TPO: variants seen among roughly 807,000 people sequenced by gnomAD.
TPO encodes thyroid peroxidase.
In TPO, 78 loss-of-function variants were observed where a neutral mutation model predicts 96.9. That is an observed-to-expected ratio of 0.81 (90% CI 0.67 to 0.97). The LOEUF (loss-of-function observed/expected upper bound fraction) is 0.97, where lower values mean the gene tolerates loss of function less well. Ranked by LOEUF, TPO falls within the 50% of genes least tolerant of loss-of-function variation. The probability of loss-of-function intolerance (pLI) is 0.00; values close to 1 mark genes in which losing one functional copy is unlikely to be tolerated. For missense variants in TPO, 1,252 were observed against 1,274.8 expected (o/e 0.98, Z 0.27); for synonymous variants, 547 against 538.0 (o/e 1.02, Z -0.23).
Position 1,490,096 on chromosome 2 carries a change from C to G in TPO, c.1768+2105C>G, listed in dbSNP as rs1362943088. On this transcript the variant is annotated intron_variant, in intron 10 of 16. Coordinates refer to ENST00000329066, the MANE Select transcript of TPO (RefSeq NM_001206744.2). ...GTCCCACACAGGGGGAGTCACGACA[C>G]AGCAGTGTAAGAGCCGCCACGAGGG... Among the ~76,000 whole-genome samples the G allele has an allele frequency of 5.0e-4, 34 of 67,542 alleles. 1 individual carries two copies. The highest frequency in any genetic ancestry group is 7.1e-3 in the Middle Eastern group (1 of 140). The allele number at this position is 67,542 out of a possible 152,430, so 44.3% of individuals were successfully genotyped here. A position where few individuals can be genotyped will look rare whatever the true frequency, so the allele number is the denominator to read the frequency against.
At chr2:1,530,277 T>C (rs192970984) in intron 15 of TPO, among the ~76,000 whole-genome samples, 1 of 84,736 alleles carries the variant, frequency 1.2e-5, no homozygotes, top group Non-Finnish European at 2.3e-5. Context: ...TGCAACCTCC[T>C]CAAATCCCCC....
intron 1 of TPO, among the ~76,000 whole-genome samples, chr2:1,401,575 C>T (rs1662173163): frequency 6.6e-6 from 1 of 152,120 alleles, no homozygotes; most frequent in African/African-American, 2.4e-5. Flanking sequence ...CCAGCTACAG[C>T]CCCATAGCTC....
chr2:1,525,892 T>TACTGTGTGCAACCTCCCCAAATCCCCCC, intron 15 of TPO, among the ~76,000 whole-genome samples: 1 of 99,028 alleles, frequency 1.0e-5, no homozygotes, highest in Non-Finnish European at 2.0e-5. Flanking sequence ...CAAATCCCAA[T>TACTGTGTGCAACCTCCCCAAATCCCCCC]ACTGTGTGCA....
chr2:1,394,422 G>A (rs557431750), intron 1 of TPO, among the ~76,000 whole-genome samples: 10 of 152,284 alleles, frequency 6.6e-5, no homozygotes, highest in South Asian at 2.1e-4. Context: ...CTCAAAATAC[G>A]GGCTGGCCCA....
Position 1,436,276 on chromosome 2 carries a change from G to A in TPO, c.374G>A (p.Ser125Asn), listed in dbSNP as rs779190641. 1.2e-6 allele frequency: 2 copies of A among 1,614,190 alleles called. No individual in the cohort carries two copies. The highest frequency in any genetic ancestry group is 2.2e-5 in the East Asian group (1 of 44,878). Residue 125 changes from serine to asparagine, a missense_variant, in exon 5 of 17, where the codon AGC becomes AAC. Ser to Asn is a conservative substitution (Grantham distance 46). Transcript: ENST00000329066. ...GATGCTTTATCAGAAGATCTGCTGAGCATCATTGCAAACATGTCTGGATGT... is the reference window on the plus strand; with the variant it reads ...GATGCTTTATCAGAAGATCTGCTGAACATCATTGCAAACATGTCTGGATGT... ...PTDALSEDLL[S>N]IIANMSGCLP...
At chr2:1,384,780 G>C (rs1325185942) in intron 1 of TPO, among the ~76,000 whole-genome samples, 1 of 152,112 alleles carries the variant, frequency 6.6e-6, no homozygotes, top group Non-Finnish European at 1.5e-5. Context: ...GGGCATCCCT[G>C]TCTTGTGCCA....
intron 15 of TPO, among the ~76,000 whole-genome samples, chr2:1,536,995 A>AC (rs1679839313): frequency 2.9e-5 from 1 of 34,164 alleles, no homozygotes; most frequent in Non-Finnish European, 5.1e-5. Context: ...ACTGTGTGCA[A>AC]CCTCAAATCC....
intron 14 of TPO, among the ~76,000 whole-genome samples, chr2:1,516,018 CTG>C (rs1290261125): frequency 6.6e-6 from 1 of 152,226 alleles, no homozygotes; most frequent in African/African-American, 2.4e-5. Context: ...GGTAATAAAA[CTG>C]TGGTCAAAGG....
intron 14 of TPO, among the ~76,000 whole-genome samples, chr2:1,506,172 T>C (rs931134750): frequency 6.6e-6 from 1 of 152,106 alleles, no homozygotes; most frequent in Non-Finnish European, 1.5e-5. Flanking sequence ...TTGCTGAGAA[T>C]GATGGTTTCC....
intron 2 of TPO, among the ~76,000 whole-genome samples, chr2:1,418,233 C>G (rs1663129524): frequency 6.8e-6 from 1 of 147,600 alleles, no homozygotes; most frequent in East Asian, 2.0e-4. Flanking sequence ...GTTGCAGAGT[C>G]GAGATCACAC....
Position 1,433,650 on chromosome 2 carries a change from AAGG to A in TPO, c.349+48_349+50del, listed in dbSNP as rs772926900. 1.5e-5 allele frequency: 24 copies of A among 1,596,140 alleles called. No homozygotes were observed. In the African/African-American group the frequency reaches 3.0e-4, roughly 20 times the overall value. On this transcript the variant is annotated intron_variant, in intron 4 of 16. Coordinates refer to ENST00000329066, the MANE Select transcript of TPO (RefSeq NM_001206744.2). Reference sequence around the variant, plus strand: ...CCCCACTGAGGAGCGGCAACTCCCGAAGGAGGACACCTTGACTTTGTGCAGGGG... The same window carrying A: ...CCCCACTGAGGAGCGGCAACTCCCGAAGGACACCTTGACTTTGTGCAGGGG...
At chr2:1,484,949 C>T (rs2148708391) in intron 9 of TPO, 95 bp downstream of exon 9, 3 of 1,557,124 alleles carry the variant, frequency 1.9e-6, no homozygotes. Flanking sequence ...GGTACATGTG[C>T]ACAACGTGCA....
chr2:1,508,943 G>A (rs1673775451), intron 14 of TPO, among the ~76,000 whole-genome samples: 1 of 152,078 alleles, frequency 6.6e-6, no homozygotes, highest in Non-Finnish European at 1.5e-5. Flanking sequence ...GAATGTGTTT[G>A]CTCTTGCTTT....
At chr2:1,462,975 C>T (rs902166258) in intron 7 of TPO, among the ~76,000 whole-genome samples, 3 of 152,314 alleles carry the variant, frequency 2.0e-5, no homozygotes, top group Admixed American at 2.0e-4. Flanking sequence ...TGATATTGTA[C>T]TTGTCACTTT....
chr2:1,409,477 C>G (rs1263666722), upstream of TPO, among the ~76,000 whole-genome samples: 1 of 152,126 alleles, frequency 6.6e-6, no homozygotes, highest in African/African-American at 2.4e-5. Flanking sequence ...ATGAATTGAG[C>G]TGTAATAAGA....
intron 3 of TPO, among the ~76,000 whole-genome samples, chr2:1,429,775 C>T (rs1162397869): frequency 1.3e-5 from 2 of 152,150 alleles, no homozygotes; most frequent in Admixed American, 6.5e-5. Context: ...CGAGTGATGA[C>T]TTGGAGTATC....
At chr2:1,492,853 T>G (rs1040596435) in intron 10 of TPO, among the ~76,000 whole-genome samples, 10 of 152,144 alleles carry the variant, frequency 6.6e-5, no homozygotes, top group Non-Finnish European at 8.8e-5. Context: ...GCAGAGGCCC[T>G]GGGCGGCGCT....
intron 14 of TPO, among the ~76,000 whole-genome samples, chr2:1,507,304 A>G (rs1274208991): frequency 6.6e-6 from 1 of 152,140 alleles, no homozygotes; most frequent in Non-Finnish European, 1.5e-5. Flanking sequence ...GTATAGTTTG[A>G]AGTCAGGTAG....
chr2:1,423,268 T>A lies in TPO; in HGVS notation c.179+139T>A, dbSNP rs1329130529. On this transcript the variant is annotated intron_variant, in intron 3 of 16. Transcript: ENST00000329066. The stretch of plus-strand genomic sequence containing the variant: ...CCATTGTTAATTTACTTCCCCAGTG[T>A]CATGTGCAAGCAGCAGACAGAACTG... The A allele has an allele frequency of 9.0e-6, 7 of 775,222 alleles. No homozygotes were observed. The Admixed American group carries it at 1.4e-4, about 16-fold the overall frequency. The allele number at this position is 775,222 out of a possible 1,614,324, so 48.0% of individuals were successfully genotyped here.
Sources: gnomAD v4.1 joint callset for allele counts (sites outside exome capture counted in the v4.1 genomes callset) on GRCh38, gnomAD v4.1.1 for gene constraint, MANE v1.5 for transcripts, NCBI Gene and HGNC (gene_info 2026-07-23, HGNC 2026-07-21) for gene names.